The following AASS variants were observed in gnomAD, a reference collection of about 807,000 sequenced individuals.
The protein encoded by AASS is alpha-aminoadipic semialdehyde synthase, mitochondrial.
AASS carries 86 observed loss-of-function variants against 105.4 expected under a neutral mutation model. The ratio of observed to expected loss-of-function variants is 0.82; its 90% CI spans 0.69 to 0.98. AASS has a LOEUF of 0.98. Ranked by LOEUF, AASS falls within the 50% of genes least tolerant of loss-of-function variation. The probability of loss-of-function intolerance (pLI) is 0.00; values close to 1 mark genes in which losing one functional copy is unlikely to be tolerated. For synonymous variants in AASS, 381 were observed against 394.8 expected (o/e 0.96, Z 0.41); for missense variants, 1,048 against 1,143.2 (o/e 0.92, Z 1.20).
rs189550413 is a variant in AASS, at chr7:122,112,979, C to T, written c.1278+139G>A. 3.5e-4 allele frequency: 252 copies of T among 730,168 alleles called. 3 individuals are homozygous for T. The highest frequency in any genetic ancestry group is 1.8e-3 in the South Asian group (116 of 65,794). The allele number at this position is 730,168 out of a possible 1,614,324, so 45.2% of individuals were successfully genotyped here. A position where few individuals can be genotyped will look rare whatever the true frequency, so the allele number is the denominator to read the frequency against. On this transcript the variant is annotated intron_variant, in intron 11 of 23. Transcript: ENST00000417368. ...CAGAATATGTCAAATAAAATAGTAT[C>T]AGTAAGTATTTCAGGGAAGGGCTGG...
At chr7:122,109,092 T>A (rs1202375860) in intron 11 of AASS, among the ~76,000 whole-genome samples, 1 of 151,552 alleles carries the variant, frequency 6.6e-6, no homozygotes, top group Non-Finnish European at 1.5e-5. Context: ...ACCAAGGAAA[T>A]GAAAGATCTC....
At chr7:122,133,779 A>C in intron 1 of AASS, 38 bp from the exon 2 acceptor site, 1 of 1,572,928 alleles carries the variant, frequency 6.4e-7, no homozygotes. Context: ...AACAAAAGGC[A>C]GCAAGGCTGG....
At position 122,129,309 on chromosome 7, in the gene AASS, A is replaced by T. The variant is rs954192491; in HGVS notation, c.387+52T>A. The T allele has an allele frequency of 1.1e-5, 14 of 1,261,092 alleles. No individual in the cohort carries two copies. In the East Asian group the frequency reaches 3.9e-4, roughly 35 times the overall value. The allele number at this position is 1,261,092 out of a possible 1,614,324, so 78.1% of individuals were successfully genotyped here. On this transcript the variant is annotated intron_variant, in intron 3 of 23. Coordinates refer to ENST00000417368, the MANE Select transcript of AASS (RefSeq NM_005763.4). The stretch of plus-strand genomic sequence containing the variant: ...AAAACTCCATTTGGGGGTTAAAAGT[A>T]AAAAATATTATTTTTCTACATTAAT...
chr7:122,079,355 T>C, intron 21 of AASS: 1 of 1,377,104 alleles, frequency 7.3e-7, no homozygotes, highest in Non-Finnish European at 9.4e-7. Context: ...TACCCCACTA[T>C]GCTTGGGAAC....
In AASS at chr7:122,093,874, T is replaced by G. The variant is rs118046566; in HGVS notation, c.1656-716A>C. ...AAACCGTGAATTGGATTAAAAAATG[T>G]AGTACATATACACCATTGAATACTA... On this transcript the variant is annotated intron_variant, in intron 15 of 23. Coordinates refer to ENST00000417368, the MANE Select transcript of AASS (RefSeq NM_005763.4). 7.9e-5 allele frequency among the ~76,000 whole-genome samples: 12 copies of G among 152,176 alleles called. No individual in the cohort carries two copies. The East Asian group carries it at 2.1e-3, about 27-fold the overall frequency.
intron 11 of AASS, among the ~76,000 whole-genome samples, chr7:122,111,699 C>CA (rs1794943519): frequency 6.6e-6 from 1 of 151,946 alleles, no homozygotes; most frequent in Admixed American, 6.6e-5. Context: ...GTCAGGAGTT[C>CA]AAGACCAGCC....
intron 11 of AASS, among the ~76,000 whole-genome samples, chr7:122,106,559 C>A (rs775780025): frequency 1.2e-4 from 19 of 152,006 alleles, no homozygotes; most frequent in Non-Finnish European, 2.6e-4. Flanking sequence ...AAACCAGACA[C>A]AAAGACCAAT....
Position 122,116,755 on chromosome 7 carries a change from T to C in AASS, c.772A>G (p.Arg258Gly). 5 of 1,614,108 alleles carry C rather than the reference T, an allele frequency of 3.1e-6. No homozygotes were observed. Among genetic ancestry groups the C allele is most frequent in the Non-Finnish European group, 4.2e-6 (5 of 1,179,988 alleles). The change falls in exon 8 of 24, where the codon AGA becomes GGA. Residue 258 changes from arginine (R) to glycine (G), a missense_variant. By Grantham distance (125) the Arg-to-Gly change is moderately radical. Coordinates refer to ENST00000417368, the MANE Select transcript of AASS (RefSeq NM_005763.4). ...CTTAACACCGTCCCATACACTTTTC[T>C]GAGGTCTTGAAAAGGAGAAAGAAAT... ...LKEVSQTGDL[R>G]KVYGTVLSRH...
At chr7:122,127,061 CCT>C (rs908517043) in intron 3 of AASS, among the ~76,000 whole-genome samples, 1 of 152,158 alleles carries the variant, frequency 6.6e-6, no homozygotes, top group Non-Finnish European at 1.5e-5. Context: ...TCCTCCTTCT[CCT>C]CTCTTTTTCT....
chr7:122,085,482 C>T (rs1793577751), intron 19 of AASS, among the ~76,000 whole-genome samples: 1 of 151,970 alleles, frequency 6.6e-6, no homozygotes, highest in African/African-American at 2.4e-5. Flanking sequence ...TTTCCTCCCG[C>T]CCCAGTCCAT....
At chr7:122,140,164 C>A (rs1320497730) in intron 1 of AASS, among the ~76,000 whole-genome samples, 2 of 151,984 alleles carry the variant, frequency 1.3e-5, no homozygotes, top group Non-Finnish European at 2.9e-5. Context: ...CTAAGCAAAA[C>A]AATGCACAAG....
At chr7:122,129,921 C>A (rs1240562390) in intron 2 of AASS, among the ~76,000 whole-genome samples, 23 of 152,036 alleles carry the variant, frequency 1.5e-4, no homozygotes, top group Admixed American at 1.5e-3. Context: ...AAAGATAAGA[C>A]ATAATTATAC....
intron 11 of AASS, among the ~76,000 whole-genome samples, chr7:122,108,868 T>C (rs1794795971): frequency 6.6e-6 from 1 of 152,014 alleles, no homozygotes; most frequent in Non-Finnish European, 1.5e-5. Context: ...GGAAGTCAAA[T>C]TGTCCTTGTT....
At chr7:122,134,968 T>C (rs989533170) in intron 1 of AASS, among the ~76,000 whole-genome samples, 5 of 152,154 alleles carry the variant, frequency 3.3e-5, no homozygotes, top group Non-Finnish European at 7.4e-5. Context: ...GTTCATGTCC[T>C]TTGTAGGGAC....
chr7:122,085,026 T>C (rs1167693124), intron 19 of AASS, among the ~76,000 whole-genome samples: 1 of 152,144 alleles, frequency 6.6e-6, no homozygotes, highest in Non-Finnish European at 1.5e-5. Context: ...GCAGATAGAA[T>C]TAATTAAGGA....
chr7:122,136,480 T>G (rs547106295), intron 1 of AASS, among the ~76,000 whole-genome samples: 2 of 152,356 alleles, frequency 1.3e-5, no homozygotes, highest in East Asian at 3.9e-4. Context: ...TAAACGACTG[T>G]TATATACTGC....
chr7:122,078,794 G>T (rs1049272252), intron 22 of AASS, 68 bp downstream of exon 22: 5 of 1,461,460 alleles, frequency 3.4e-6, no homozygotes, highest in Non-Finnish European at 3.8e-6. Context: ...CCTCCAATAC[G>T]ATTATCTGCA....
At position 122,133,513 on chromosome 7, in the gene AASS, T is replaced by G; in HGVS notation, c.210+4A>C. 1.2e-6 allele frequency: 2 copies of G among 1,614,080 alleles called. No homozygotes were observed. The highest frequency in any genetic ancestry group is 1.7e-6 in the Non-Finnish European group (2 of 1,179,914). On this transcript the variant is annotated splice_donor_region_variant and intron_variant, in intron 2 of 23. Coordinates refer to ENST00000417368, the MANE Select transcript of AASS (RefSeq NM_005763.4). ...TCTCACATAAAAATATTGGAAATAC[T>G]CACCTTATCATGAATGGCCCGCCGA...
intron 1 of AASS, among the ~76,000 whole-genome samples, chr7:122,138,304 C>T (rs1278309696): frequency 6.6e-6 from 1 of 152,130 alleles, no homozygotes; most frequent in African/African-American, 2.4e-5. Context: ...CCAGTGGATG[C>T]TTGAAATCTC....
Sources: allele counts gnomAD v4.1 joint callset (sites outside exome capture counted in the v4.1 genomes callset), GRCh38; gene constraint gnomAD v4.1.1; transcripts MANE v1.5; gene names NCBI Gene and HGNC (gene_info 2026-07-23, HGNC 2026-07-21).